Variants in NIPBL observed in about 807,000 individuals in gnomAD.
NIPBL encodes NIPBL cohesin loading factor.
A neutral mutation model predicts 321.8 loss-of-function variants in NIPBL; 19 were observed. That is an observed-to-expected ratio of 0.06 (90% CI 0.04 to 0.09). NIPBL has a LOEUF of 0.09. Among genes scored for constraint, NIPBL ranks in the 10% least tolerant of loss-of-function variants. The probability of loss-of-function intolerance (pLI) is 1.00; values close to 1 mark genes in which losing one functional copy is unlikely to be tolerated. For missense variants in NIPBL, 2,210 were observed against 3,327.0 expected (o/e 0.66, Z 8.26); for synonymous variants, 1,106 against 1,114.1 (o/e 0.99, Z 0.14).
rs1050449043 is a variant in NIPBL, at chr5:37,065,654, C to G, written c.*762C>G. On this transcript the variant is annotated 3_prime_UTR_variant, in exon 47 of 47. Coordinates refer to ENST00000282516, the MANE Select transcript of NIPBL (RefSeq NM_133433.4). ...TTATACAGTTTGTATAGGCTGACTTCTGAATAATTGGTATCTATTATTTTC... is the reference window on the plus strand; with the variant it reads ...TTATACAGTTTGTATAGGCTGACTTGTGAATAATTGGTATCTATTATTTTC... The G allele has an allele frequency of 2.0e-5, 3 of 152,514 alleles. No individual in the cohort carries two copies. Among genetic ancestry groups the G allele is most frequent in the Admixed American group, 6.5e-5 (1 of 15,278 alleles). The allele number at this position is 152,514 out of a possible 1,614,324, so 9.4% of individuals were successfully genotyped here.
chr5:36,901,757 C>A (rs181691704), intron 1 of NIPBL, among the ~76,000 whole-genome samples: 1 of 152,076 alleles, frequency 6.6e-6, no homozygotes, highest in East Asian at 1.9e-4. Flanking sequence ...GATCCACCCC[C>A]CTCTGCCTCC....
Position 37,063,178 on chromosome 5 carries a change from T to C in NIPBL, c.7861-612T>C, listed in dbSNP as rs113769237. On this transcript the variant is annotated intron_variant, in intron 45 of 46. Transcript: ENST00000282516. ...ACATTGCAAAACCCCATTTCTATTTTTCTTAAAAAAATTTTTAAAAATCTA... is the reference window on the plus strand; with the variant it reads ...ACATTGCAAAACCCCATTTCTATTTCTCTTAAAAAAATTTTTAAAAATCTA... 4.3e-4 allele frequency among the ~76,000 whole-genome samples: 65 copies of C among 152,264 alleles called. 1 individual carries two copies. The highest frequency in any genetic ancestry group is 1.4e-3 in the African/African-American group (58 of 41,564).
Position 36,886,490 on chromosome 5 carries a change from G to A in NIPBL, c.-80+9312G>A, listed in dbSNP as rs577203477. 52 of 759,932 alleles carry A rather than the reference G, an allele frequency of 6.8e-5. No individual in the cohort carries two copies. The African/African-American group carries it at 8.4e-4, about 12-fold the overall frequency. The allele number at this position is 759,932 out of a possible 1,614,324, so 47.1% of individuals were successfully genotyped here. ...GAGACCAGTGACACCAAAGTTCTGA[G>A]ACATTAAGTCAGCAGAAGCAGGGTA... is the stretch of plus-strand genomic sequence containing the variant. On this transcript the variant is annotated intron_variant, in intron 1 of 46. Coordinates refer to ENST00000282516, the MANE Select transcript of NIPBL (RefSeq NM_133433.4).
intron 9 of NIPBL, among the ~76,000 whole-genome samples, chr5:36,981,283 A>G (rs913452704): frequency 6.6e-6 from 1 of 151,676 alleles, no homozygotes; most frequent in Non-Finnish European, 1.5e-5. Context: ...TGTACCTTAT[A>G]AGTAAGATTA....
In NIPBL at chr5:36,927,968, C is replaced by T. The variant is rs191541777; in HGVS notation, c.-79-25650C>T. ...CCCGAAGTAGATTACAGCCATGAGC[C>T]ACCATGCCCGGCTGCAGTGATTTTT... is the stretch of plus-strand genomic sequence containing the variant. On this transcript the variant is annotated intron_variant, in intron 1 of 46. Coordinates refer to ENST00000282516, the MANE Select transcript of NIPBL (RefSeq NM_133433.4). Among the ~76,000 whole-genome samples the T allele has an allele frequency of 5.0e-3, 761 of 152,106 alleles. 4 individuals are homozygous for T. The highest frequency in any genetic ancestry group is 0.014 in the African/African-American group (599 of 41,486).
chr5:37,019,070 T>C (rs189410993), intron 24 of NIPBL, among the ~76,000 whole-genome samples: 33 of 152,252 alleles, frequency 2.2e-4, no homozygotes, highest in Admixed American at 1.6e-3. Context: ...GCCACTGGAC[T>C]CCAGCCTGGG....
chr5:36,958,611 A>G (rs1268788643), intron 4 of NIPBL, among the ~76,000 whole-genome samples: 4 of 152,158 alleles, frequency 2.6e-5, no homozygotes, highest in East Asian at 3.8e-4. Context: ...TTGTGATTAT[A>G]TTCATGGTTT....
intron 10 of NIPBL, among the ~76,000 whole-genome samples, chr5:36,991,068 A>G (rs1745454278): frequency 6.6e-6 from 1 of 152,062 alleles, no homozygotes; most frequent in South Asian, 2.1e-4. Context: ...ACCTACTAGT[A>G]TTACACCACC....
Position 36,961,473 on chromosome 5 carries a change from GT to G in NIPBL, c.359-7del, listed in dbSNP as rs1561082368. On this transcript the variant is annotated splice_polypyrimidine_tract_variant and intron_variant, in intron 4 of 46. Coordinates refer to ENST00000282516, the MANE Select transcript of NIPBL (RefSeq NM_133433.4). ...AGAAAATAACGTTCTGTATTTTTGTGTTTTGCATAGGAATGATGATGTCTCA... is the reference window on the plus strand; with the variant it reads ...AGAAAATAACGTTCTGTATTTTTGTGTTTGCATAGGAATGATGATGTCTCA... The G allele has an allele frequency of 2.0e-6, 3 of 1,519,022 alleles. No individual in the cohort carries two copies. Among genetic ancestry groups the G allele is most frequent in the Non-Finnish European group, 2.7e-6 (3 of 1,093,502 alleles). 94.1% of individuals were successfully genotyped at this position (1,519,022 alleles called of 1,614,324 possible). A position where few individuals can be genotyped will look rare whatever the true frequency, so the allele number is the denominator to read the frequency against.
chr5:37,057,462 G>A, intron 43 of NIPBL, 130 bp downstream of exon 43: 1 of 911,154 alleles, frequency 1.1e-6, no homozygotes, highest in East Asian at 2.5e-5. Context: ...TGAACTTAAT[G>A]AAATCTGGGC....
rs190629737 is a variant in NIPBL, at chr5:36,901,490, C to T, written c.-80+24312C>T. On this transcript the variant is annotated intron_variant, in intron 1 of 46. Coordinates refer to ENST00000282516, the MANE Select transcript of NIPBL (RefSeq NM_133433.4). ...AGTAGGATTGCTGGGTTGCATGGTC[C>T]TTCTAAGTCCTTTTTTTTTTTTTTT... is the stretch of plus-strand genomic sequence containing the variant. Among the ~76,000 whole-genome samples, 1,116 of 140,310 alleles carry T rather than the reference C, an allele frequency of 8.0e-3. 14 individuals are homozygous for T. Among genetic ancestry groups the T allele is most frequent in the African/African-American group, 0.029 (1,063 of 36,502 alleles). The allele number at this position is 140,310 out of a possible 152,430, so 92.0% of individuals were successfully genotyped here. A position where few individuals can be genotyped will look rare whatever the true frequency, so the allele number is the denominator to read the frequency against.
chr5:36,891,411 TA>T (rs892148025), intron 1 of NIPBL, among the ~76,000 whole-genome samples: 5 of 152,178 alleles, frequency 3.3e-5, no homozygotes, highest in Admixed American at 6.5e-5. Flanking sequence ...GCACTGGTGG[TA>T]GGGGTGGTCA....
intron 8 of NIPBL, among the ~76,000 whole-genome samples, chr5:36,974,163 A>G (rs368408733): frequency 6.6e-6 from 1 of 152,212 alleles, no homozygotes; most frequent in African/African-American, 2.4e-5. Context: ...ATTGATCTAG[A>G]TAACTAGCTT....
intron 1 of NIPBL, among the ~76,000 whole-genome samples, chr5:36,945,126 A>C (rs1310154714): frequency 6.6e-6 from 1 of 152,180 alleles, no homozygotes; most frequent in East Asian, 1.9e-4. Context: ...GAATCCAAAC[A>C]ATTCATAGAC....
At position 37,049,102 on chromosome 5, in the gene NIPBL, C is replaced by G; in HGVS notation, c.6764-9C>G. 1.2e-6 allele frequency: 2 copies of G among 1,613,798 alleles called. No individual in the cohort carries two copies. The highest frequency in any genetic ancestry group is 1.7e-6 in the Non-Finnish European group (2 of 1,179,792). On this transcript the variant is annotated splice_polypyrimidine_tract_variant and intron_variant, in intron 39 of 46. Coordinates refer to ENST00000282516, the MANE Select transcript of NIPBL (RefSeq NM_133433.4). ...TTAATGTGTGTTTATCCTTTGCTTG[C>G]TTTTGTAGGGAAGAAAGTTGCAAAA...
rs61430489 is a variant in NIPBL, at chr5:36,892,337, T to G, written c.-80+15159T>G. On this transcript the variant is annotated intron_variant, in intron 1 of 46. Coordinates refer to ENST00000282516, the MANE Select transcript of NIPBL (RefSeq NM_133433.4). ...AAATAGGAACACTTTTACATTGTTGTTGGGACTGTAAACTAGTTCAACCAT... is the reference window on the plus strand; with the variant it reads ...AAATAGGAACACTTTTACATTGTTGGTGGGACTGTAAACTAGTTCAACCAT... Among the ~76,000 whole-genome samples, 512 of 152,128 alleles carry G rather than the reference T, an allele frequency of 3.4e-3. 9 individuals are homozygous for G. The highest frequency in any genetic ancestry group is 0.025 in the Admixed American group (377 of 15,190).
rs1344114825 is a variant in NIPBL, at chr5:36,939,645, CAG to C, written c.-79-13969_-79-13968del. 7.2e-5 allele frequency among the ~76,000 whole-genome samples: 11 copies of C among 152,234 alleles called. No homozygotes were observed. In the East Asian group the frequency reaches 1.4e-3, roughly 19 times the overall value. ...CTGAGACTGGGTAATTTATAAAAAA[CAG>C]AGATTTATTTCTTATAGTTCTGGAG... is the stretch of plus-strand genomic sequence containing the variant. On this transcript the variant is annotated intron_variant, in intron 1 of 46. Transcript: ENST00000282516.
intron 1 of NIPBL, among the ~76,000 whole-genome samples, chr5:36,948,913 T>C (rs1739978480): frequency 6.6e-6 from 1 of 151,904 alleles, no homozygotes; most frequent in African/African-American, 2.4e-5. Context: ...AACAGTCTTT[T>C]AAACTGGATG....
chr5:36,932,627 A>G (rs533686650), intron 1 of NIPBL, among the ~76,000 whole-genome samples: 2 of 152,066 alleles, frequency 1.3e-5, no homozygotes, highest in African/African-American at 4.8e-5. Flanking sequence ...ATTTGAACCA[A>G]TATGATAGTT....
Sources: allele counts gnomAD v4.1 joint callset (sites outside exome capture counted in the v4.1 genomes callset), GRCh38; gene constraint gnomAD v4.1.1; transcripts MANE v1.5; gene names NCBI Gene and HGNC (gene_info 2026-07-23, HGNC 2026-07-21).